OR10A7: variants seen among roughly 807,000 people sequenced by gnomAD.
OR10A7 encodes olfactory receptor family 10 subfamily A member 7.
For synonymous variants in OR10A7, 151 were observed against 137.2 expected (o/e 1.10, Z -0.70); for missense variants, 434 against 383.6 (o/e 1.13, Z -1.10).
Position 55,221,593 on chromosome 12 carries a change from T to A in OR10A7, c.569T>A (p.Val190Glu), listed in dbSNP as rs781404832. ...CCCCCAGTGTTAAAACTAGTCACAGTGGATACAACCATGTATGAAATGCAA... is the reference window on the plus strand; with the variant it reads ...CCCCCAGTGTTAAAACTAGTCACAGAGGATACAACCATGTATGAAATGCAA... ...DGPPVLKLVT[V>E]DTTMYEMQAL... Residue 190 changes from valine (V) to glutamate (E), a missense_variant, in exon 1 of 1, where the codon GTG becomes GAG. Coordinates refer to ENST00000326258, the MANE Select transcript of OR10A7 (RefSeq NM_001005280.1). 2 of 1,613,862 alleles carry A rather than the reference T, an allele frequency of 1.2e-6. No individual in the cohort carries two copies. The highest frequency in any genetic ancestry group is 2.2e-5 in the East Asian group (1 of 44,874).
At position 55,221,045 on chromosome 12, in the gene OR10A7, CAG is replaced by C. The variant is rs752228755; in HGVS notation, c.24_25del (p.Arg8SerfsTer3). 2 of 1,609,696 alleles carry C rather than the reference CAG, an allele frequency of 1.2e-6. No homozygotes were observed. The highest frequency in any genetic ancestry group is 1.7e-5 in the Admixed American group (1 of 59,884). Reference protein sequence around the residue: MICENHTRVTEFILLGFT... With the variant: MICENHTXVTEFILLGFT... ...AAGATATGATCTGTGAAAATCACAC[CAG>C]AGTCACTGAATTTATTCTTCTTGGT... On this transcript the variant is annotated frameshift_variant, in exon 1 of 1. Coordinates refer to ENST00000326258, the MANE Select transcript of OR10A7 (RefSeq NM_001005280.1). LOFTEE classifies it low-confidence loss of function (END_TRUNC).
chr12:55,221,361 T>A lies in OR10A7; in HGVS notation c.337T>A (p.Phe113Ile). 1 of 1,613,904 alleles carries A rather than the reference T, an allele frequency of 6.2e-7. No homozygotes were observed. The highest frequency in any genetic ancestry group is 1.1e-5 in the South Asian group (1 of 91,086). ...FFFFFGSSEC[F>I]LLSMMAYDRF... ...CTTCTTCTTTGGCAGTTCTGAATGTTTCCTTCTCTCCATGATGGCTTATGA... is the reference window on the plus strand; with the variant it reads ...CTTCTTCTTTGGCAGTTCTGAATGTATCCTTCTCTCCATGATGGCTTATGA... Residue 113 changes from phenylalanine to isoleucine, a missense_variant, in exon 1 of 1, where the codon TTC becomes ATC. Physicochemically the swap from Phe to Ile is conservative, Grantham distance 21 (BLOSUM62 0). Transcript: ENST00000326258.
Position 55,221,329 on chromosome 12 carries a change from A to T in OR10A7, c.305A>T (p.Tyr102Phe). ...ISFVGCGTQMYFFFFFGSSEC... is the reference protein window; with the variant it reads ...ISFVGCGTQMFFFFFFGSSEC... Reference sequence around the variant, plus strand: ...TTTGTGGGCTGTGGTACCCAGATGTACTTCTTCTTCTTCTTTGGCAGTTCT... The same window carrying T: ...TTTGTGGGCTGTGGTACCCAGATGTTCTTCTTCTTCTTCTTTGGCAGTTCT... The change falls in exon 1 of 1, where the codon TAC becomes TTC. Residue 102 changes from tyrosine to phenylalanine, a missense_variant. Transcript: ENST00000326258. The T allele has an allele frequency of 6.2e-7, 1 of 1,613,432 alleles. No individual in the cohort carries two copies. The highest frequency in any genetic ancestry group is 8.5e-7 in the Non-Finnish European group (1 of 1,179,612).
At position 55,221,595 on chromosome 12, in the gene OR10A7, G is replaced by T. The variant is rs746299758; in HGVS notation, c.571G>T (p.Asp191Tyr). Residue 191 changes from aspartate to tyrosine, a missense_variant, in exon 1 of 1, where the codon GAT (aspartate) becomes TAT (tyrosine). Physicochemically the swap from Asp to Tyr is radical, Grantham distance 160 (BLOSUM62 -3). Coordinates refer to ENST00000326258, the MANE Select transcript of OR10A7 (RefSeq NM_001005280.1). Reference sequence around the variant, plus strand: ...CCCAGTGTTAAAACTAGTCACAGTGGATACAACCATGTATGAAATGCAAGC... The same window carrying T: ...CCCAGTGTTAAAACTAGTCACAGTGTATACAACCATGTATGAAATGCAAGC... ...GPPVLKLVTV[D>Y]TTMYEMQALA... 2.5e-6 allele frequency: 4 copies of T among 1,613,732 alleles called. No individual in the cohort carries two copies. In the South Asian group the frequency reaches 4.4e-5, roughly 18 times the overall value.
Position 55,221,855 on chromosome 12 carries a change from C to G in OR10A7, c.831C>G (p.Ser277=). Residue 277 remains serine (S), a synonymous_variant, in exon 1 of 1, where the codon TCC becomes TCG. Transcript: ENST00000326258. The part of the protein sequence containing the change: ...SPESKKLVSL[S]YTVITPMLNP... ...AGAGCAAGAAGCTAGTGTCATTGTC[C>G]TACACTGTCATCACACCTATGCTAA... 2 of 1,613,570 alleles carry G rather than the reference C, an allele frequency of 1.2e-6. No homozygotes were observed. Among genetic ancestry groups the G allele is most frequent in the Non-Finnish European group, 1.7e-6 (2 of 1,179,646 alleles).
rs1954114290 is a variant in OR10A7, at chr12:55,221,283, T to A, written c.259T>A (p.Ser87Thr). 1 of 1,613,806 alleles carries A rather than the reference T, an allele frequency of 6.2e-7. No homozygotes were observed. Among genetic ancestry groups the A allele is most frequent in the Admixed American group, 1.7e-5 (1 of 59,950 alleles). ...GCCAAAAATGCTTGTAGATCTAGTG[T>A]CCCCAAGGAAAATTATCTCTTTTGT... Reference protein sequence around the residue: ...MVPKMLVDLVSPRKIISFVGC... With the variant: ...MVPKMLVDLVTPRKIISFVGC... Residue 87 changes from serine (S) to threonine (T), a missense_variant, in exon 1 of 1, where the codon TCC (serine) becomes ACC (threonine). Transcript: ENST00000326258.
Position 55,221,531 on chromosome 12 carries a change from T to C in OR10A7, c.507T>C (p.Cys169=). 3 of 1,613,886 alleles carry C rather than the reference T, an allele frequency of 1.9e-6. No homozygotes were observed. The highest frequency in any genetic ancestry group is 1.1e-5 in the South Asian group (1 of 91,082). The change falls in exon 1 of 1, where the codon TGT becomes TGC. Residue 169 remains cysteine (C), a synonymous_variant. Transcript: ENST00000326258. The stretch of plus-strand genomic sequence containing the variant: ...CTTGGATGATGGCCCTTCCTTTCTG[T>C]GGACCAAATGCCGTGGACCACTTTT... ...QTAWMMALPF[C]GPNAVDHFFC...
chr12:55,221,361 T>C lies in OR10A7; in HGVS notation c.337T>C (p.Phe113Leu), dbSNP rs1234667133. 3 of 1,613,904 alleles carry C rather than the reference T, an allele frequency of 1.9e-6. No homozygotes were observed. The highest frequency in any genetic ancestry group is 3.3e-5 in the Admixed American group (2 of 59,942). The change falls in exon 1 of 1, where the codon TTC becomes CTC. Residue 113 changes from phenylalanine to leucine, a missense_variant. Coordinates refer to ENST00000326258, the MANE Select transcript of OR10A7 (RefSeq NM_001005280.1). ...FFFFFGSSEC[F>L]LLSMMAYDRF... is the part of the protein sequence containing the mutation. ...CTTCTTCTTTGGCAGTTCTGAATGT[T>C]TCCTTCTCTCCATGATGGCTTATGA... is the stretch of plus-strand genomic sequence containing the variant.
rs1381626055 is a variant in OR10A7, at chr12:55,221,845, T to A, written c.821T>A (p.Val274Glu). 1.2e-6 allele frequency: 2 copies of A among 1,613,678 alleles called. No individual in the cohort carries two copies. Among genetic ancestry groups the A allele is most frequent in the African/African-American group, 2.7e-5 (2 of 74,896 alleles). Residue 274 changes from valine (V) to glutamate (E), a missense_variant, in exon 1 of 1, where the codon GTG becomes GAG. By Grantham distance (121) the Val-to-Glu change is moderately radical. Coordinates refer to ENST00000326258, the MANE Select transcript of OR10A7 (RefSeq NM_001005280.1). Reference sequence around the variant, plus strand: ...CAGTCCCCTGAGAGCAAGAAGCTAGTGTCATTGTCCTACACTGTCATCACA... The same window carrying A: ...CAGTCCCCTGAGAGCAAGAAGCTAGAGTCATTGTCCTACACTGTCATCACA... ...SNQSPESKKL[V>E]SLSYTVITPM...
chr12:55,221,200 T>C lies in OR10A7; in HGVS notation c.176T>C (p.Met59Thr). The C allele has an allele frequency of 2.5e-6, 4 of 1,591,804 alleles. No individual in the cohort carries two copies. Among genetic ancestry groups the C allele is most frequent in the African/African-American group, 1.4e-5 (1 of 72,020 alleles). The change falls in exon 1 of 1, where the codon ATG (methionine) becomes ACG (threonine). Residue 59 changes from methionine (M) to threonine (T), a missense_variant. Transcript: ENST00000326258. ...GTGGATCTCGCACTTCAAACACCCATGTACTTCTTTCTTCAAAATCTGTCA... is the reference window on the plus strand; with the variant it reads ...GTGGATCTCGCACTTCAAACACCCACGTACTTCTTTCTTCAAAATCTGTCA... ...TSVDLALQTP[M>T]YFFLQNLSLL...
Position 55,221,498 on chromosome 12 carries a change from A to G in OR10A7, c.474A>G (p.Leu158=). 1 of 1,613,734 alleles carries G rather than the reference A, an allele frequency of 6.2e-7. No homozygotes were observed. Among genetic ancestry groups the G allele is most frequent in the Non-Finnish European group, 8.5e-7 (1 of 1,179,882 alleles). Residue 158 remains leucine, a synonymous_variant, in exon 1 of 1, where the codon CTA becomes CTG. Transcript: ENST00000326258. ...SWMSGVPVSM[L]QTAWMMALPF... is the part of the protein sequence containing the mutation. ...TGTCCGGTGTTCCTGTGTCTATGCT[A>G]CAGACAGCTTGGATGATGGCCCTTC... is the stretch of plus-strand genomic sequence containing the variant.
rs552945914 is a variant in OR10A7 at position 55,221,352 on chromosome 12, T to C, written c.328T>C (p.Ser110Pro). 9 of 1,613,882 alleles carry C rather than the reference T, an allele frequency of 5.6e-6. No individual in the cohort carries two copies. In the Admixed American group the frequency reaches 1.0e-4, roughly 18 times the overall value. Residue 110 changes from serine to proline, a missense_variant, in exon 1 of 1, where the codon TCT (serine) becomes CCT (proline). Physicochemically the swap from Ser to Pro is moderately conservative, Grantham distance 74. Coordinates refer to ENST00000326258, the MANE Select transcript of OR10A7 (RefSeq NM_001005280.1). ...GTACTTCTTCTTCTTCTTTGGCAGT[T>C]CTGAATGTTTCCTTCTCTCCATGAT... ...QMYFFFFFGS[S>P]ECFLLSMMAY... is the part of the protein sequence containing the mutation.
At position 55,221,812 on chromosome 12, in the gene OR10A7, A is replaced by T; in HGVS notation, c.788A>T (p.Lys263Ile). The T allele has an allele frequency of 6.2e-7, 1 of 1,613,810 alleles. No individual in the cohort carries two copies. The highest frequency in any genetic ancestry group is 8.5e-7 in the Non-Finnish European group (1 of 1,179,868). The change falls in exon 1 of 1, where the codon AAA becomes ATA. Residue 263 changes from lysine to isoleucine, a missense_variant. Physicochemically the swap from Lys to Ile is moderately radical, Grantham distance 102 (BLOSUM62 -3). Coordinates refer to ENST00000326258, the MANE Select transcript of OR10A7 (RefSeq NM_001005280.1). ...GCCAGTCTGACCTACCTGCGGCCCAAATCAAACCAGTCCCCTGAGAGCAAG... is the reference window on the plus strand; with the variant it reads ...GCCAGTCTGACCTACCTGCGGCCCATATCAAACCAGTCCCCTGAGAGCAAG... Reference protein sequence around the residue: ...GTASLTYLRPKSNQSPESKKL... With the variant: ...GTASLTYLRPISNQSPESKKL...
In OR10A7 at chr12:55,221,653, C is replaced by T. The variant is rs752316424; in HGVS notation, c.629C>T (p.Pro210Leu). ...LASTLLFIMFPFCLILVSYTR... is the reference protein window; with the variant it reads ...LASTLLFIMFLFCLILVSYTR... ...TCCACACTCCTGTTTATCATGTTTC[C>T]CTTTTGTCTCATTTTGGTTTCCTAC... is the stretch of plus-strand genomic sequence containing the variant. The change falls in exon 1 of 1, where the codon CCC becomes CTC. Residue 210 changes from proline (P) to leucine (L), a missense_variant. Coordinates refer to ENST00000326258, the MANE Select transcript of OR10A7 (RefSeq NM_001005280.1). 4.3e-6 allele frequency: 7 copies of T among 1,613,654 alleles called. No homozygotes were observed. The highest frequency in any genetic ancestry group is 3.3e-5 in the Admixed American group (2 of 59,884).
Position 55,221,543 on chromosome 12 carries a change from C to T in OR10A7, c.519C>T (p.Ala173=), listed in dbSNP as rs112331116. The T allele has an allele frequency of 7.3e-3, 11,726 of 1,613,780 alleles. 57 individuals are homozygous for T. Among genetic ancestry groups the T allele is most frequent in the Non-Finnish European group, 9.1e-3 (10,688 of 1,179,856 alleles). The change falls in exon 1 of 1, where the codon GCC becomes GCT. Residue 173 remains alanine, a synonymous_variant. Transcript: ENST00000326258. ...MMALPFCGPN[A]VDHFFCDGPP... ...CCCTTCCTTTCTGTGGACCAAATGC[C>T]GTGGACCACTTTTTCTGTGATGGTC...
Position 55,221,410 on chromosome 12 carries a change from C to G in OR10A7, c.386C>G (p.Pro129Arg). 6.2e-7 allele frequency: 1 copy of G among 1,613,820 alleles called. No individual in the cohort carries two copies. The highest frequency in any genetic ancestry group is 8.5e-7 in the Non-Finnish European group (1 of 1,179,882). ...GATCGCTTTGTGGCCATCTGTAACC[C>G]TCTCCATTATTCAGTCATAATGAAC... ...AYDRFVAICN[P>R]LHYSVIMNRS... Residue 129 changes from proline to arginine, a missense_variant, in exon 1 of 1, where the codon CCT becomes CGT. Transcript: ENST00000326258.
At position 55,221,035 on chromosome 12, in the gene OR10A7, A is replaced by C; in HGVS notation, c.11A>C (p.Glu4Ala). MIC[E>A]NHTRVTEFIL... Reference sequence around the variant, plus strand: ...AAACTCATCTAAGATATGATCTGTGAAAATCACACCAGAGTCACTGAATTT... The same window carrying C: ...AAACTCATCTAAGATATGATCTGTGCAAATCACACCAGAGTCACTGAATTT... Residue 4 changes from glutamate (E) to alanine (A), a missense_variant, in exon 1 of 1, where the codon GAA becomes GCA. Coordinates refer to ENST00000326258, the MANE Select transcript of OR10A7 (RefSeq NM_001005280.1). 6.2e-7 allele frequency: 1 copy of C among 1,604,940 alleles called. No individual in the cohort carries two copies. The highest frequency in any genetic ancestry group is 1.1e-5 in the South Asian group (1 of 90,776).
In OR10A7 at chr12:55,221,778, T is replaced by A; in HGVS notation, c.754T>A (p.Tyr252Asn). ...ACACCTCATTGTGGTGTCCCTCTTC[T>A]ACGGAACAGCCAGTCTGACCTACCT... ...SSHLIVVSLF[Y>N]GTASLTYLRP... is the part of the protein sequence containing the mutation. Residue 252 changes from tyrosine to asparagine, a missense_variant, in exon 1 of 1, where the codon TAC becomes AAC. Physicochemically the swap from Tyr to Asn is moderately radical, Grantham distance 143. Coordinates refer to ENST00000326258, the MANE Select transcript of OR10A7 (RefSeq NM_001005280.1). 1 of 1,613,850 alleles carries A rather than the reference T, an allele frequency of 6.2e-7. No individual in the cohort carries two copies. The highest frequency in any genetic ancestry group is 8.5e-7 in the Non-Finnish European group (1 of 1,179,898).
In OR10A7 at chr12:55,221,211, C is replaced by G. The variant is rs970629648; in HGVS notation, c.187C>G (p.Leu63Val). 15 of 1,613,196 alleles carry G rather than the reference C, an allele frequency of 9.3e-6. No homozygotes were observed. In the Admixed American group the frequency reaches 1.5e-4, roughly 16 times the overall value. The change falls in exon 1 of 1, where the codon CTT (leucine) becomes GTT (valine). Residue 63 changes from leucine (L) to valine (V), a missense_variant. By Grantham distance (32) the Leu-to-Val change is conservative. Transcript: ENST00000326258. ...LALQTPMYFF[L>V]QNLSLLEVCF... ...ACTTCAAACACCCATGTACTTCTTTCTTCAAAATCTGTCACTTCTTGAAGT... is the reference window on the plus strand; with the variant it reads ...ACTTCAAACACCCATGTACTTCTTTGTTCAAAATCTGTCACTTCTTGAAGT...
Sources: allele counts gnomAD v4.1 joint callset, GRCh38; gene constraint gnomAD v4.1.1; transcripts MANE v1.5; gene names NCBI Gene and HGNC (gene_info 2026-07-23, HGNC 2026-07-21).